The following ANKRD11 variants were observed in gnomAD, a reference collection of about 807,000 sequenced individuals.
ANKRD11 encodes ankyrin repeat domain-containing protein 11.
ANKRD11 carries 17 observed loss-of-function variants against 195.7 expected under a neutral mutation model. That is an observed-to-expected ratio of 0.09 (90% CI 0.06 to 0.13). The LOEUF is 0.13. Among genes scored for constraint, ANKRD11 ranks in the 10% least tolerant of loss-of-function variants. The probability of loss-of-function intolerance (pLI) is 1.00; values close to 1 mark genes in which losing one functional copy is unlikely to be tolerated. For missense variants in ANKRD11, 3,735 were observed against 3,566.1 expected (o/e 1.05, Z -1.21); for synonymous variants, 1,953 against 1,528.1 (o/e 1.28, Z -6.49).
intron 1 of ANKRD11, among the ~76,000 whole-genome samples, chr16:89,435,792 C>A (rs2043188274): frequency 8.7e-6 from 1 of 114,590 alleles, no homozygotes; most frequent in African/African-American, 3.2e-5. Flanking sequence ...CAGCCACCAG[C>A]TCTTCACACA....
chr16:89,278,463 G>T, intron 9 of ANKRD11: 1 of 451,492 alleles, frequency 2.2e-6, no homozygotes, highest in Non-Finnish European at 4.4e-6. Flanking sequence ...GGGAGTGGGG[G>T]TGATTCCGAG....
chr16:89,297,404 G>A (rs1312559564), intron 4 of ANKRD11: 1 of 152,196 alleles, frequency 6.6e-6, no homozygotes, highest in Non-Finnish European at 1.5e-5. Flanking sequence ...GGGCAGGGCC[G>A]GGTGCAGCTT....
intron 1 of ANKRD11, among the ~76,000 whole-genome samples, chr16:89,487,617 T>C (rs1171618298): frequency 6.6e-6 from 1 of 151,436 alleles, no homozygotes; most frequent in Admixed American, 6.6e-5. Flanking sequence ...CTACTAAAAA[T>C]ACAAAAATTA....
intron 1 of ANKRD11, among the ~76,000 whole-genome samples, chr16:89,481,598 T>C (rs1161224183): frequency 2.0e-5 from 3 of 152,162 alleles, no homozygotes; most frequent in Non-Finnish European, 4.4e-5. Context: ...GCAAAGCCAG[T>C]GCTTTCATCT....
Position 89,285,973 on chromosome 16 carries a change from A to G in ANKRD11, c.892+66T>C, listed in dbSNP as rs1745016620. The G allele has an allele frequency of 6.2e-7, 1 of 1,611,054 alleles. No individual in the cohort carries two copies. The highest frequency in any genetic ancestry group is 8.5e-7 in the Non-Finnish European group (1 of 1,178,562). Reference sequence around the variant, plus strand: ...TGATCAGAGGGGCAACACTGTGCAAACACCACAGGGCAGCTCCTACCATCC... The same window carrying G: ...TGATCAGAGGGGCAACACTGTGCAAGCACCACAGGGCAGCTCCTACCATCC... On this transcript the variant is annotated intron_variant, in intron 8 of 12. Transcript: ENST00000301030. The surrounding 1 kb of genome is among the most constrained non-coding windows in gnomAD (Gnocchi z 5.6).
chr16:89,305,132 C>A, intron 4 of ANKRD11, 74 bp downstream of exon 4: 1 of 1,576,948 alleles, frequency 6.3e-7, no homozygotes, highest in South Asian at 1.1e-5. Flanking sequence ...GGTGCGGGGG[C>A]CAGGGACGCC....
intron 1 of ANKRD11, among the ~76,000 whole-genome samples, chr16:89,472,099 G>C (rs544713584): frequency 1.3e-5 from 2 of 152,318 alleles, no homozygotes; most frequent in African/African-American, 4.8e-5. Context: ...GATCAGGGCA[G>C]AAACCTAATT....
chr16:89,371,210 C>T (rs1464370753), intron 2 of ANKRD11, among the ~76,000 whole-genome samples: 1 of 152,180 alleles, frequency 6.6e-6, no homozygotes, highest in Non-Finnish European at 1.5e-5. Flanking sequence ...CTCTCACTAC[C>T]TCCCAACACT....
chr16:89,392,579 G>A (rs998773607), intron 2 of ANKRD11: 2 of 151,802 alleles, frequency 1.3e-5, no homozygotes, highest in African/African-American at 4.8e-5. Context: ...CAAGAACATG[G>A]TCGTGATGTG....
intron 2 of ANKRD11, chr16:89,339,861 G>C (rs1159680947): frequency 6.6e-6 from 1 of 151,996 alleles, no homozygotes; most frequent in East Asian, 1.9e-4. Context: ...TCGGCGCTTT[G>C]ATACTCACGC....
chr16:89,474,460 T>C (rs964159938), intron 1 of ANKRD11, among the ~76,000 whole-genome samples: 1 of 142,900 alleles, frequency 7.0e-6, no homozygotes, highest in African/African-American at 2.6e-5. Flanking sequence ...CTACCTTATG[T>C]AAAAAAAAAA....
At chr16:89,481,109 A>C (rs2057430252) in intron 1 of ANKRD11, among the ~76,000 whole-genome samples, 1 of 152,138 alleles carries the variant, frequency 6.6e-6, no homozygotes, top group African/African-American at 2.4e-5. Context: ...CCACTCTCCT[A>C]ACTAATGTTT....
At chr16:89,300,109 G>A (rs1597524573) in intron 4 of ANKRD11, 1 of 220,136 alleles carries the variant, frequency 4.5e-6, no homozygotes, top group South Asian at 4.4e-5. Flanking sequence ...TGCCTGCCCT[G>A]TGTGGGGTGC....
At chr16:89,269,003 A>G (rs114121452) in intron 12 of ANKRD11, among the ~76,000 whole-genome samples, 2 of 152,208 alleles carry the variant, frequency 1.3e-5, no homozygotes, top group Non-Finnish European at 2.9e-5. Flanking sequence ...TGCTTTTGTC[A>G]TTTTACAATT....
chr16:89,397,141 G>C (rs1186647907), intron 2 of ANKRD11, among the ~76,000 whole-genome samples: 1 of 152,102 alleles, frequency 6.6e-6, no homozygotes, highest in Admixed American at 6.5e-5. Context: ...GCAAATGCCA[G>C]CAGACATACC....
At chr16:89,425,624 G>A (rs2042685397) in intron 1 of ANKRD11, among the ~76,000 whole-genome samples, 1 of 152,160 alleles carries the variant, frequency 6.6e-6, no homozygotes, top group Non-Finnish European at 1.5e-5. Flanking sequence ...TCAGGTTGGG[G>A]GCGGACAAGG....
chr16:89,425,003 G>C (rs923924244), intron 1 of ANKRD11, among the ~76,000 whole-genome samples: 3 of 151,602 alleles, frequency 2.0e-5, no homozygotes, highest in African/African-American at 7.3e-5. Flanking sequence ...GTTACCATTC[G>C]AAGAGAGGAG....
chr16:89,344,630 G>A (rs895028390), intron 2 of ANKRD11, among the ~76,000 whole-genome samples: 1 of 152,208 alleles, frequency 6.6e-6, no homozygotes, highest in South Asian at 2.1e-4. Flanking sequence ...AGGCTGAGGG[G>A]CCCAGGAAGA....
intron 1 of ANKRD11, among the ~76,000 whole-genome samples, chr16:89,463,920 A>C (rs1478699898): frequency 6.6e-6 from 1 of 152,192 alleles, no homozygotes; most frequent in Non-Finnish European, 1.5e-5. Context: ...TTTACAAAAA[A>C]CAATAGTACT....
Sources: allele counts gnomAD v4.1 joint callset (sites outside exome capture counted in the v4.1 genomes callset), GRCh38; gene constraint gnomAD v4.1.1; non-coding constraint Gnocchi (gnomAD v3.1); transcripts MANE v1.5; gene names NCBI Gene and HGNC (gene_info 2026-07-23, HGNC 2026-07-21).